The following WDR49 variants were observed in gnomAD, a reference collection of about 807,000 sequenced individuals.
WDR49 encodes cilia- and flagella-associated protein 337.
A neutral mutation model predicts 119.5 loss-of-function variants in WDR49; 107 were observed. The observed-to-expected ratio is 0.90, with a 90% CI of 0.77 to 1.05. The LOEUF is 1.05. WDR49 is among the 50% of genes least tolerant of loss of function. The pLI is 0.00. For missense variants in WDR49, 1,240 were observed against 1,220.5 expected, an observed-to-expected ratio of 1.02 and a Z score of -0.24; for synonymous variants, 425 against 418.8, an observed-to-expected ratio of 1.01 and a Z score of -0.18.
intron 15 of WDR49, among the ~76,000 whole-genome samples, chr3:167,524,347 C>A (rs1752559841): frequency 6.6e-6 from 1 of 152,140 alleles, no homozygotes; most frequent in Non-Finnish European, 1.5e-5. Flanking sequence ...TTCTCCCATT[C>A]TGTAGGTTGC....
intron 18 of WDR49, among the ~76,000 whole-genome samples, chr3:167,485,116 T>A (rs1306008607): frequency 2.6e-5 from 4 of 152,094 alleles, no homozygotes; most frequent in African/African-American, 9.7e-5. Flanking sequence ...CACCACATGT[T>A]CTCACTCATA....
chr3:167,511,509 G>A (rs1404141839), intron 16 of WDR49, among the ~76,000 whole-genome samples: 1 of 152,170 alleles, frequency 6.6e-6, no homozygotes, highest in East Asian at 1.9e-4. Flanking sequence ...TTTAAGAGAA[G>A]TCTGTGAACT....
chr3:167,552,163 AAAG>A lies in WDR49; in HGVS notation c.1823+2484_1823+2486del, dbSNP rs542305560. 1.8e-3 allele frequency among the ~76,000 whole-genome samples: 281 copies of A among 152,140 alleles called. 2 individuals carry two copies. The highest frequency in any genetic ancestry group is 6.7e-3 in the African/African-American group (277 of 41,544). On this transcript the variant is annotated intron_variant, in intron 10 of 18. Transcript: ENST00000682715. The stretch of plus-strand genomic sequence containing the variant: ...TGGGAGAAAATGAAACTAGAAAATA[AAAG>A]AATATGTCCAGGTCAGAGGGAGCTT...
At chr3:167,489,027 C>A (rs575417326) in intron 18 of WDR49, among the ~76,000 whole-genome samples, 107 of 152,182 alleles carry the variant, frequency 7.0e-4, no homozygotes, top group African/African-American at 1.8e-3. Context: ...CCTAATGTCA[C>A]CTTATTATAT....
At chr3:167,617,143 G>A (rs1013583508) in intron 5 of WDR49, among the ~76,000 whole-genome samples, 1 of 152,180 alleles carries the variant, frequency 6.6e-6, no homozygotes, top group Non-Finnish European at 1.5e-5. Flanking sequence ...ATCTGAATTA[G>A]ACAGAGGAAG....
intron 10 of WDR49, among the ~76,000 whole-genome samples, chr3:167,543,276 C>T (rs1371729263): frequency 6.6e-6 from 1 of 151,926 alleles, no homozygotes; most frequent in Non-Finnish European, 1.5e-5. Flanking sequence ...GGATATCTTC[C>T]CTAAATCATT....
chr3:167,565,380 TACACACACACACACAC>T (rs112641739), intron 8 of WDR49, among the ~76,000 whole-genome samples: 4 of 129,022 alleles, frequency 3.1e-5, no homozygotes, highest in Non-Finnish European at 4.8e-5. Flanking sequence ...CATATCTATC[TACACACACACACACAC>T]ACACACACAC....
At chr3:167,565,740 G>A (rs1002897015) in intron 8 of WDR49, among the ~76,000 whole-genome samples, 3 of 152,122 alleles carry the variant, frequency 2.0e-5, no homozygotes, top group African/African-American at 7.2e-5. Context: ...TAAGCAGTGT[G>A]AGGGAAGGGA....
chr3:167,623,824 A>G (rs1345143710), intron 3 of WDR49, among the ~76,000 whole-genome samples: 6 of 152,072 alleles, frequency 3.9e-5, no homozygotes, highest in South Asian at 2.1e-4. Context: ...GAAATACTCA[A>G]AAACACTACA....
intron 5 of WDR49, among the ~76,000 whole-genome samples, chr3:167,615,785 T>C (rs1047469915): frequency 6.6e-6 from 1 of 152,216 alleles, no homozygotes; most frequent in African/African-American, 2.4e-5. Flanking sequence ...TCAGCACCAA[T>C]AGATAAGCAG....
At chr3:167,627,893 C>T (rs1021763960) in intron 2 of WDR49, among the ~76,000 whole-genome samples, 1 of 152,056 alleles carries the variant, frequency 6.6e-6, no homozygotes, top group East Asian at 1.9e-4. Context: ...GGCAACCTTG[C>T]AAGTCTATCA....
intron 8 of WDR49, among the ~76,000 whole-genome samples, chr3:167,573,391 T>TACACACACACACACACACACAC (rs57955643): frequency 7.0e-6 from 1 of 142,276 alleles, no homozygotes; most frequent in Admixed American, 7.1e-5. Context: ...TTATGTGGAA[T>TACACACACACACACACACACAC]ACACACACAC....
intron 5 of WDR49, among the ~76,000 whole-genome samples, chr3:167,616,213 A>G (rs1716589627): frequency 6.6e-6 from 1 of 152,238 alleles, no homozygotes; most frequent in South Asian, 2.1e-4. Context: ...AAAGATCTCA[A>G]CAAAAGAAAG....
chr3:167,651,437 C>T (rs1324031056), intron 2 of WDR49, among the ~76,000 whole-genome samples: 1 of 152,118 alleles, frequency 6.6e-6, no homozygotes, highest in Non-Finnish European at 1.5e-5. Context: ...GGACTGGATA[C>T]CATTAAAGTC....
chr3:167,650,667 AC>A (rs1037069152), intron 2 of WDR49, among the ~76,000 whole-genome samples: 6 of 152,234 alleles, frequency 3.9e-5, no homozygotes, highest in Non-Finnish European at 7.3e-5. Flanking sequence ...AGCAAGTGTC[AC>A]TTGAAGTTTA....
intron 18 of WDR49, among the ~76,000 whole-genome samples, chr3:167,497,875 C>CTTTTTTTTTTT (rs10634534): frequency 7.8e-6 from 1 of 128,228 alleles, no homozygotes; most frequent in African/African-American, 3.0e-5. Flanking sequence ...CATATTCATT[C>CTTTTTTTTTTT]TTTTTTTTTT....
intron 2 of WDR49, among the ~76,000 whole-genome samples, chr3:167,651,896 A>G (rs993416447): frequency 6.6e-6 from 1 of 152,164 alleles, no homozygotes; most frequent in African/African-American, 2.4e-5. Flanking sequence ...CATCAACTTT[A>G]TAATGTAGAC....
chr3:167,543,497 A>G (rs1330215994), intron 10 of WDR49, among the ~76,000 whole-genome samples: 1 of 152,160 alleles, frequency 6.6e-6, no homozygotes, highest in African/African-American at 2.4e-5. Flanking sequence ...CACACAAGTT[A>G]ATAAATGTAA....
intron 18 of WDR49, among the ~76,000 whole-genome samples, chr3:167,486,780 T>C (rs1750938565): frequency 6.6e-6 from 1 of 151,998 alleles, no homozygotes; most frequent in South Asian, 2.1e-4. Context: ...ACAATAATAC[T>C]GACAGACTTC....
Sources: gnomAD v4.1 joint callset for allele counts (sites outside exome capture counted in the v4.1 genomes callset) on GRCh38, gnomAD v4.1.1 for gene constraint, MANE v1.5 for transcripts, NCBI Gene and HGNC (gene_info 2026-07-23, HGNC 2026-07-21) for gene names.